Variants in SHISA6 observed in about 807,000 individuals in gnomAD.
SHISA6 encodes the protein shisa family member 6.
Under a neutral mutation model 47.9 loss-of-function variants are expected in SHISA6, and 22 were observed. That is an observed-to-expected ratio of 0.46 (90% CI 0.33 to 0.66). The LOEUF is 0.66. SHISA6 is among the 30% of genes least tolerant of loss of function. The probability of loss-of-function intolerance (pLI) is 0.02; values close to 1 mark genes in which losing one functional copy is unlikely to be tolerated. For missense variants in SHISA6, 680 were observed against 764.6 expected, an observed-to-expected ratio of 0.89 and a Z score of 1.30; for synonymous variants, 388 against 337.8, an observed-to-expected ratio of 1.15 and a Z score of -1.63.
At position 11,378,781 on chromosome 17, in the gene SHISA6, C is replaced by T. The variant is rs148707508; in HGVS notation, c.800-633C>T. 2.8e-3 allele frequency among the ~76,000 whole-genome samples: 422 copies of T among 152,306 alleles called. 3 individuals carry two copies. The highest frequency in any genetic ancestry group is 9.5e-3 in the African/African-American group (396 of 41,584). The stretch of plus-strand genomic sequence containing the variant: ...GAAGCGAAGCACGTATATATTTTCT[C>T]AGTATTTTGTAACCACCATTCTATT... On this transcript the variant is annotated intron_variant, in intron 2 of 5. Transcript: ENST00000441885.
At chr17:11,418,718 G>T (rs1914359109) in intron 3 of SHISA6, among the ~76,000 whole-genome samples, 1 of 152,178 alleles carries the variant, frequency 6.6e-6, no homozygotes. Context: ...CATTTGGTTT[G>T]TTGAAAAGGC....
rs187648148 is a variant in SHISA6, at chr17:11,559,388, C to T, written c.*1084C>T. 584 of 152,492 alleles carry T rather than the reference C, an allele frequency of 3.8e-3. 4 individuals are homozygous for T. The highest frequency in any genetic ancestry group is 5.8e-3 in the Non-Finnish European group (398 of 68,152). The allele number at this position is 152,492 out of a possible 1,614,324, so 9.4% of individuals were successfully genotyped here. ...GTTCCCACATGCACCTCCGGCAGGA[C>T]CTAGACAGAAGTTTCTAGAGAGCAG... On this transcript the variant is annotated 3_prime_UTR_variant, in exon 6 of 6. Transcript: ENST00000441885. The surrounding 1 kb of genome is among the most constrained non-coding windows in gnomAD (Gnocchi z 4.4).
chr17:11,525,489 T>C (rs1056050899), intron 3 of SHISA6, among the ~76,000 whole-genome samples: 1 of 151,440 alleles, frequency 6.6e-6, no homozygotes. Flanking sequence ...AAAAATTAGC[T>C]GGGCGTGGTG....
intron 3 of SHISA6, among the ~76,000 whole-genome samples, chr17:11,504,809 G>A (rs759888783): frequency 3.3e-5 from 5 of 152,144 alleles, no homozygotes; most frequent in Non-Finnish European, 7.3e-5. Flanking sequence ...TGTTAGGACT[G>A]AAAAGGAGCT....
At chr17:11,556,284 T>C (rs1033574464) in intron 5 of SHISA6, among the ~76,000 whole-genome samples, 3 of 152,034 alleles carry the variant, frequency 2.0e-5, no homozygotes, top group Non-Finnish European at 4.4e-5. Flanking sequence ...CTCTGAGACC[T>C]CTCCCAGAGG....
intron 3 of SHISA6, among the ~76,000 whole-genome samples, chr17:11,511,796 A>G (rs1157867686): frequency 6.6e-6 from 1 of 152,216 alleles, no homozygotes; most frequent in Non-Finnish European, 1.5e-5. Flanking sequence ...TGAAGGAGAT[A>G]AACAAGGTTC....
chr17:11,522,029 G>T (rs1447340507), intron 3 of SHISA6, among the ~76,000 whole-genome samples: 1 of 151,836 alleles, frequency 6.6e-6, no homozygotes, highest in Non-Finnish European at 1.5e-5. Context: ...GCAGTGGCAC[G>T]ATCTTGGCTC....
chr17:11,397,855 A>G (rs1913627575), intron 3 of SHISA6, among the ~76,000 whole-genome samples: 1 of 152,084 alleles, frequency 6.6e-6, no homozygotes, highest in South Asian at 2.1e-4. Context: ...CTTTTTTCAT[A>G]CGTACCTTAG....
chr17:11,517,651 G>A (rs1476402899), intron 3 of SHISA6, among the ~76,000 whole-genome samples: 1 of 152,008 alleles, frequency 6.6e-6, no homozygotes, highest in East Asian at 1.9e-4. Flanking sequence ...ACAGGCATGT[G>A]CCACCATGCC....
At chr17:11,449,755 A>C (rs954318695) in intron 3 of SHISA6, among the ~76,000 whole-genome samples, 8 of 152,342 alleles carry the variant, frequency 5.3e-5, no homozygotes, top group Admixed American at 3.3e-4. Flanking sequence ...GAGGGCTCCA[A>C]GGGAAAATCT....
At chr17:11,277,775 C>T (rs1908976201) in intron 2 of SHISA6, among the ~76,000 whole-genome samples, 1 of 152,122 alleles carries the variant, frequency 6.6e-6, no homozygotes, top group Admixed American at 6.5e-5. Flanking sequence ...AAGCACGTGC[C>T]TTCCATGTCA....
intron 3 of SHISA6, among the ~76,000 whole-genome samples, chr17:11,485,758 G>C (rs1341878878): frequency 1.4e-5 from 2 of 138,850 alleles, no homozygotes; most frequent in Middle Eastern, 3.6e-3. Flanking sequence ...TGCTTTGCCA[G>C]CACTTTTTTT....
Position 11,306,674 on chromosome 17 carries a change from C to G in SHISA6, c.799+43148C>G, listed in dbSNP as rs539753436. On this transcript the variant is annotated intron_variant, in intron 2 of 5. Transcript: ENST00000441885. ...GTGGTGGCTTTAGGCACAGAACAGT[C>G]ACAGGTTTTTTCAGGCCCAGTCCAG... is the stretch of plus-strand genomic sequence containing the variant. Among the ~76,000 whole-genome samples, 144 of 152,278 alleles carry G rather than the reference C, an allele frequency of 9.5e-4. 1 individual carries two copies. Among genetic ancestry groups the G allele is most frequent in the African/African-American group, 3.2e-3 (135 of 41,554 alleles).
chr17:11,546,814 G>A (rs569189352), intron 3 of SHISA6, among the ~76,000 whole-genome samples: 276 of 152,194 alleles, frequency 1.8e-3, no homozygotes, highest in Non-Finnish European at 3.3e-3. Flanking sequence ...CCAGCTACTC[G>A]GGAGGCTGAG....
At chr17:11,243,296 A>G (rs561974177) in intron 1 of SHISA6, among the ~76,000 whole-genome samples, 13 of 151,480 alleles carry the variant, frequency 8.6e-5, no homozygotes, top group African/African-American at 3.2e-4. Context: ...ATGTTAAAAG[A>G]GCTGATTTTT....
At position 11,495,742 on chromosome 17, in the gene SHISA6, C is replaced by T. The variant is rs182813787; in HGVS notation, c.896-56154C>T. Reference sequence around the variant, plus strand: ...GCCATCCCTCTGAGAACTAAGTGGGCGTGCTAGCTCATATATTATGGGCTA... The same window carrying T: ...GCCATCCCTCTGAGAACTAAGTGGGTGTGCTAGCTCATATATTATGGGCTA... On this transcript the variant is annotated intron_variant, in intron 3 of 5. Transcript: ENST00000441885. 6.4e-4 allele frequency among the ~76,000 whole-genome samples: 97 copies of T among 152,036 alleles called. No homozygotes were observed. The East Asian group carries it at 0.016, about 25-fold the overall frequency.
At chr17:11,259,258 G>A (rs558913170) in intron 1 of SHISA6, among the ~76,000 whole-genome samples, 3 of 152,250 alleles carry the variant, frequency 2.0e-5, no homozygotes, top group Non-Finnish European at 4.4e-5. Flanking sequence ...TTTGGAATGT[G>A]AATTCAGCAC....
chr17:11,424,466 C>T (rs546261389), intron 3 of SHISA6, among the ~76,000 whole-genome samples: 9 of 152,158 alleles, frequency 5.9e-5, no homozygotes, highest in African/African-American at 1.9e-4. Context: ...CCTCCATCAA[C>T]ATAAATAAAT....
At chr17:11,305,638 T>C (rs1455287299) in intron 2 of SHISA6, among the ~76,000 whole-genome samples, 1 of 152,218 alleles carries the variant, frequency 6.6e-6, no homozygotes, top group Non-Finnish European at 1.5e-5. Context: ...GAGTTTGGTG[T>C]TGCGGGTGGC....
Sources: gnomAD v4.1 joint callset for allele counts (sites outside exome capture counted in the v4.1 genomes callset) on GRCh38, gnomAD v4.1.1 for gene constraint, Gnocchi (gnomAD v3.1) non-coding constraint, MANE v1.5 for transcripts, NCBI Gene and HGNC (gene_info 2026-07-23, HGNC 2026-07-21) for gene names.